Variants in PLK5 observed in about 807,000 individuals in gnomAD.
The protein encoded by PLK5 is inactive serine/threonine-protein kinase PLK5.
In PLK5, 28 loss-of-function variants were observed where a neutral mutation model predicts 33.7. That is an observed-to-expected ratio of 0.83 (90% CI 0.62 to 1.14). The LOEUF (loss-of-function observed/expected upper bound fraction) is 1.14, where lower values mean the gene tolerates loss of function less well. Ranked by LOEUF, PLK5 falls within the 50% of genes most tolerant of loss-of-function variation. The pLI is 0.00. For missense variants in PLK5, 492 were observed against 461.5 expected (o/e 1.07, Z -0.61); for synonymous variants, 225 against 202.2 (o/e 1.11, Z -0.96).
Position 1,524,799 on chromosome 19 carries a change from G to C in PLK5, c.-543-506G>C, listed in dbSNP as rs1382353831. Among the ~76,000 whole-genome samples, 4 of 151,876 alleles carry C rather than the reference G, an allele frequency of 2.6e-5. No individual in the cohort carries two copies. Among genetic ancestry groups the C allele is most frequent in the Non-Finnish European group, 4.4e-5 (3 of 67,982 alleles). The stretch of plus-strand genomic sequence containing the variant: ...TGTGTGTTCATGTGTTTGTATCTGT[G>C]TCTTTGTCCATGTGTTGTACTGTGT... On this transcript the variant is annotated intron_variant, in intron 1 of 13. Coordinates refer to ENST00000454744, the MANE Select transcript of PLK5 (RefSeq NM_001243079.2). The surrounding 1 kb of genome is among the most constrained non-coding windows in gnomAD (Gnocchi z 4.5).
chr19:1,534,412 C>A (rs1226424076), intron 13 of PLK5, among the ~76,000 whole-genome samples: 1 of 150,100 alleles, frequency 6.7e-6, no homozygotes, highest in Non-Finnish European at 1.5e-5. Context: ...GAGGCTGAGG[C>A]AGGAGAATCG....
chr19:1,530,543 G>C (rs1913896642), intron 11 of PLK5, among the ~76,000 whole-genome samples: 1 of 148,656 alleles, frequency 6.7e-6, no homozygotes, highest in Non-Finnish European at 1.5e-5. Flanking sequence ...CGGTGATCTG[G>C]CCGCCTCAGC....
intron 8 of PLK5, 22 bp from the exon 9 acceptor site, chr19:1,528,876 C>T (rs1298819339): frequency 6.7e-7 from 1 of 1,493,060 alleles, no homozygotes; most frequent in East Asian, 2.5e-5. Flanking sequence ...GTGCCCCCTC[C>T]AAGGCCTTGT....
Position 1,533,986 on chromosome 19 carries a change from G to A in PLK5, c.770G>A (p.Arg257His), listed in dbSNP as rs762826724. 1.7e-4 allele frequency: 266 copies of A among 1,535,254 alleles called. No homozygotes were observed. The highest frequency in any genetic ancestry group is 3.6e-4 in the Middle Eastern group (2 of 5,546). Reference protein sequence around the residue: ...PPAGPGLCLLRFLASEHALLL... With the variant: ...PPAGPGLCLLHFLASEHALLL... ...GCTGGACCCGGCCTCTGCCTCCTGC[G>A]CTTCCTGGCCTCTGAGCACGCCCTG... Residue 257 changes from arginine (R) to histidine (H), a missense_variant, in exon 13 of 14, where the codon CGC becomes CAC. Physicochemically the swap from Arg to His is conservative, Grantham distance 29 (BLOSUM62 0). Coordinates refer to ENST00000454744, the MANE Select transcript of PLK5 (RefSeq NM_001243079.2).
chr19:1,530,295 TTTTC>T (rs770794983), intron 11 of PLK5, among the ~76,000 whole-genome samples: 68 of 151,984 alleles, frequency 4.5e-4, no homozygotes, highest in Middle Eastern at 6.8e-3. Context: ...TTTCTTTTCC[TTTTC>T]TTTCTTTTTT....
chr19:1,527,406 A>G (rs192851102), intron 6 of PLK5, among the ~76,000 whole-genome samples: 1 of 152,186 alleles, frequency 6.6e-6, no homozygotes, highest in African/African-American at 2.4e-5. Flanking sequence ...GTTCAAGACC[A>G]GCCTGGCCAA....
At chr19:1,533,243 C>T (rs1913985680) in intron 12 of PLK5, among the ~76,000 whole-genome samples, 2 of 152,086 alleles carry the variant, frequency 1.3e-5, no homozygotes, top group African/African-American at 4.8e-5. Context: ...CAGGCACCCG[C>T]CACCACGCCT....
intron 3 of PLK5, among the ~76,000 whole-genome samples, chr19:1,526,150 G>A (rs1488673666): frequency 1.3e-5 from 2 of 152,284 alleles, no homozygotes; most frequent in Non-Finnish European, 1.5e-5. Flanking sequence ...GCCCACCTGG[G>A]TCCACCTGTG....
chr19:1,524,454 G>T lies in PLK5; in HGVS notation c.-544+208G>T, dbSNP rs1404923895. 4.6e-5 allele frequency among the ~76,000 whole-genome samples: 7 copies of T among 152,092 alleles called. No individual in the cohort carries two copies. On this transcript the variant is annotated intron_variant, in intron 1 of 13. Coordinates refer to ENST00000454744, the MANE Select transcript of PLK5 (RefSeq NM_001243079.2). The surrounding 1 kb of genome is among the most constrained non-coding windows in gnomAD (Gnocchi z 4.5). ...GAGCGCGCTGTGCGTCGTGTCCGTG[G>T]GTTGCGTGTCCGGGGTGTGGGCGTG...
chr19:1,529,948 C>G, intron 11 of PLK5, 124 bp downstream of exon 11: 1 of 1,006,086 alleles, frequency 9.9e-7, no homozygotes. Flanking sequence ...AGGGAGGCCC[C>G]AGGACACGGT....
Position 1,526,992 on chromosome 19 carries a change from G to A in PLK5, c.-5G>A. The A allele has an allele frequency of 6.6e-7, 1 of 1,518,984 alleles. No individual in the cohort carries two copies. 94.1% of individuals were successfully genotyped at this position (1,518,984 alleles called of 1,614,324 possible). A position where few individuals can be genotyped will look rare whatever the true frequency, so the allele number is the denominator to read the frequency against. On this transcript the variant is annotated 5_prime_UTR_variant, in exon 6 of 14. Transcript: ENST00000454744. Reference sequence around the variant, plus strand: ...CAGTAGGACATCTGGGCTCTGGGCTGCATCATGTGAGTGGGGTCCTGGAGA... The same window carrying A: ...CAGTAGGACATCTGGGCTCTGGGCTACATCATGTGAGTGGGGTCCTGGAGA...
chr19:1,535,975 C>G lies in PLK5; in HGVS notation c.*725C>G, dbSNP rs1914082366. 1 of 152,612 alleles carries G rather than the reference C, an allele frequency of 6.6e-6. No individual in the cohort carries two copies. Among genetic ancestry groups the G allele is most frequent in the Non-Finnish European group, 1.5e-5 (1 of 68,278 alleles). The allele number at this position is 152,612 out of a possible 1,614,324, so 9.5% of individuals were successfully genotyped here. A position where few individuals can be genotyped will look rare whatever the true frequency, so the allele number is the denominator to read the frequency against. ...TGGGTGGACAGGAAAGAAGCCGACA[C>G]TGAGGCTGGAAAGATGGCTGGCTAT... On this transcript the variant is annotated 3_prime_UTR_variant, in exon 14 of 14. Coordinates refer to ENST00000454744, the MANE Select transcript of PLK5 (RefSeq NM_001243079.2).
At chr19:1,532,707 A>C (rs1274497783) in intron 12 of PLK5, among the ~76,000 whole-genome samples, 1 of 151,786 alleles carries the variant, frequency 6.6e-6, no homozygotes, top group Non-Finnish European at 1.5e-5. Flanking sequence ...TTTTTATTAG[A>C]GACGGGGTTT....
chr19:1,534,765 C>T (rs545183239), intron 13 of PLK5, among the ~76,000 whole-genome samples: 60 of 151,634 alleles, frequency 4.0e-4, no homozygotes, highest in South Asian at 8.3e-4. Flanking sequence ...TGCAGTGAGC[C>T]GAGATCGCGC....
rs73521410 is a variant in PLK5, at chr19:1,529,017, G to A, written c.405+43G>A. 3.2e-4 allele frequency: 456 copies of A among 1,440,386 alleles called. 3 individuals are homozygous for A. In the African/African-American group the frequency reaches 5.8e-3, roughly 18 times the overall value. 89.2% of individuals were successfully genotyped at this position (1,440,386 alleles called of 1,614,324 possible). On this transcript the variant is annotated intron_variant, in intron 9 of 13. Coordinates refer to ENST00000454744, the MANE Select transcript of PLK5 (RefSeq NM_001243079.2). ...GGGACACGGGGAGACACAGGTGGAG[G>A]GCATGCTGGCCCCTGCTAAAACCCC...
intron 8 of PLK5, among the ~76,000 whole-genome samples, chr19:1,528,674 CACCTCCCACCT>C: frequency 1.6e-5 from 2 of 128,202 alleles, no homozygotes; most frequent in Non-Finnish European, 3.2e-5. Flanking sequence ...CACCTGCCCA[CACCTCCCACCT>C]GCTCACACCT....
chr19:1,532,333 G>C (rs1036151271), intron 12 of PLK5, among the ~76,000 whole-genome samples: 6 of 152,030 alleles, frequency 3.9e-5, no homozygotes, highest in African/African-American at 1.4e-4. Context: ...GAACCCAGCA[G>C]TTTGAGATCA....
chr19:1,525,457 AGCC>A (rs1913712596), intron 2 of PLK5, 39 bp downstream of exon 2: 1 of 152,362 alleles, frequency 6.6e-6, no homozygotes, highest in Non-Finnish European at 1.5e-5. Flanking sequence ...CACAGTCCGC[AGCC>A]CGCAGCGTGT....
Position 1,535,371 on chromosome 19 carries a change from TG to T in PLK5, c.*124del. 8.9e-7 allele frequency: 1 copy of T among 1,120,226 alleles called. No homozygotes were observed. The highest frequency in any genetic ancestry group is 1.2e-6 in the Non-Finnish European group (1 of 814,460). The allele number at this position is 1,120,226 out of a possible 1,614,324, so 69.4% of individuals were successfully genotyped here. A position where few individuals can be genotyped will look rare whatever the true frequency, so the allele number is the denominator to read the frequency against. On this transcript the variant is annotated 3_prime_UTR_variant, in exon 14 of 14. Transcript: ENST00000454744. ...GGAGGGCTGGGGGGCACACGGGAGGTGGGTTCTTGCCTTGTGGCATGACTGT... is the reference window on the plus strand; with the variant it reads ...GGAGGGCTGGGGGGCACACGGGAGGTGGTTCTTGCCTTGTGGCATGACTGT...
Sources: gnomAD v4.1 joint callset for allele counts (sites outside exome capture counted in the v4.1 genomes callset) on GRCh38, gnomAD v4.1.1 for gene constraint, Gnocchi (gnomAD v3.1) non-coding constraint, MANE v1.5 for transcripts, NCBI Gene and HGNC (gene_info 2026-07-23, HGNC 2026-07-21) for gene names.